SEC24A: variants seen among roughly 807,000 people sequenced by gnomAD.
SEC24A encodes protein transport protein Sec24A.
In SEC24A, 93 loss-of-function variants were observed where a neutral mutation model predicts 129.4. The ratio of observed to expected loss-of-function variants is 0.72; its 90% CI spans 0.61 to 0.85. The LOEUF is 0.85. Among genes scored for constraint, SEC24A ranks in the 40% least tolerant of loss-of-function variants. The pLI is 0.00. For missense variants in SEC24A, 1,264 were observed against 1,307.4 expected, an observed-to-expected ratio of 0.97 and a Z score of 0.51; for synonymous variants, 460 against 467.3, an observed-to-expected ratio of 0.98 and a Z score of 0.20.
At chr5:134,688,038 T>C (rs369868075) in intron 10 of SEC24A, 143 bp from the exon 11 acceptor site, 15 of 668,232 alleles carry the variant, frequency 2.2e-5, no homozygotes, top group Admixed American at 1.1e-4. Flanking sequence ...ATGGTAAACG[T>C]TGGGTGGTTT....
intron 15 of SEC24A, among the ~76,000 whole-genome samples, chr5:134,700,363 G>A (rs961629260): frequency 1.3e-5 from 2 of 151,914 alleles, no homozygotes; most frequent in Admixed American, 1.3e-4. Context: ...GGGACCACAG[G>A]CGCATGCCAC....
intron 3 of SEC24A, among the ~76,000 whole-genome samples, chr5:134,668,898 A>C (rs1023379658): frequency 2.0e-5 from 3 of 151,482 alleles, no homozygotes; most frequent in African/African-American, 7.3e-5. Context: ...AAAAATAAAA[A>C]TAATAAAAAA....
chr5:134,683,170 G>C (rs1281245054), intron 9 of SEC24A, among the ~76,000 whole-genome samples: 1 of 151,984 alleles, frequency 6.6e-6, no homozygotes, highest in Non-Finnish European at 1.5e-5. Flanking sequence ...TTATAGGCGC[G>C]AGCCAACACC....
rs1199060832 is a variant in SEC24A, at chr5:134,648,842, G to A, written c.-235G>A. The A allele has an allele frequency of 6.6e-5, 25 of 381,402 alleles. No homozygotes were observed. The highest frequency in any genetic ancestry group is 9.3e-5 in the Admixed American group (2 of 21,536). 23.6% of individuals were successfully genotyped at this position (381,402 alleles called of 1,614,324 possible). ...GGTTTGGCTGCCGCCTTCTAGCCGG[G>A]CGTTCGCGGCCCCGCCGGCCCGACT... On this transcript the variant is annotated 5_prime_UTR_variant, in exon 1 of 23. Transcript: ENST00000398844.
rs1752780148 is a variant in SEC24A, at chr5:134,727,403, A to G, written c.*2309A>G. The G allele has an allele frequency of 6.6e-6, 1 of 152,614 alleles. No homozygotes were observed. Among genetic ancestry groups the G allele is most frequent in the African/African-American group, 2.4e-5 (1 of 41,450 alleles). 9.5% of individuals were successfully genotyped at this position (152,614 alleles called of 1,614,324 possible). On this transcript the variant is annotated 3_prime_UTR_variant, in exon 23 of 23. Transcript: ENST00000398844. ...TTCTAATTTCTAGGATTTTTAAAAT[A>G]ACATTTCTGTAAGTCTGACATACTA... is the stretch of plus-strand genomic sequence containing the variant.
At chr5:134,655,439 C>T (rs1468591213) in intron 1 of SEC24A, among the ~76,000 whole-genome samples, 5 of 151,908 alleles carry the variant, frequency 3.3e-5, no homozygotes, top group East Asian at 1.9e-4. Flanking sequence ...TCACAAGGTC[C>T]GGAGTTCAAG....
At position 134,725,053 on chromosome 5, in the gene SEC24A, T is replaced by C. The variant is rs1752727817; in HGVS notation, c.3241T>C (p.Tyr1081His). The C allele has an allele frequency of 6.3e-7, 1 of 1,598,374 alleles. No homozygotes were observed. The highest frequency in any genetic ancestry group is 1.3e-5 in the African/African-American group (1 of 74,724). The change falls in exon 23 of 23, where the codon TAT becomes CAT. Residue 1081 changes from tyrosine (Y) to histidine (H), a missense_variant. Physicochemically the swap from Tyr to His is moderately conservative, Grantham distance 83. Coordinates refer to ENST00000398844, the MANE Select transcript of SEC24A (RefSeq NM_021982.3). ...CAGAACAGAATCTGCATTATCATAT[T>C]ATGAATTCCTGTTGCATATACAGCA... ...EDRTESALSY[Y>H]EFLLHIQQQV...
chr5:134,698,824 G>T (rs1048362063), intron 15 of SEC24A, among the ~76,000 whole-genome samples: 3 of 151,790 alleles, frequency 2.0e-5, no homozygotes, highest in Admixed American at 2.0e-4. Flanking sequence ...GTAGAGACAG[G>T]GTTACACCAT....
chr5:134,659,047 T>TTTTATTTATTTA (rs142189667), intron 1 of SEC24A, among the ~76,000 whole-genome samples: 7,981 of 138,782 alleles, frequency 0.058, 272 homozygotes, highest in Middle Eastern at 0.097. Flanking sequence ...ACCCATTTAT[T>TTTTATTTATTTA]TTTATTTATT....
At chr5:134,696,163 G>A (rs771916886) in intron 13 of SEC24A, among the ~76,000 whole-genome samples, 37 of 151,002 alleles carry the variant, frequency 2.5e-4, no homozygotes, top group Non-Finnish European at 4.3e-4. Context: ...CCAGCTACTC[G>A]GGAGGCTGAG....
intron 14 of SEC24A, among the ~76,000 whole-genome samples, chr5:134,697,633 G>T (rs1019173785): frequency 2.6e-5 from 4 of 152,118 alleles, no homozygotes; most frequent in African/African-American, 9.7e-5. Flanking sequence ...GCGCACACCT[G>T]TGGTCCCAGC....
intron 7 of SEC24A, 90 bp downstream of exon 7, chr5:134,676,215 T>C (rs1751056323): frequency 7.2e-6 from 6 of 828,308 alleles, no homozygotes; most frequent in African/African-American, 1.8e-5. Flanking sequence ...TCTCAGCTTA[T>C]TGCAACCTCT....
At chr5:134,663,536 G>A (rs960130884) in intron 2 of SEC24A, among the ~76,000 whole-genome samples, 1 of 152,174 alleles carries the variant, frequency 6.6e-6, no homozygotes, top group Non-Finnish European at 1.5e-5. Flanking sequence ...ACTATTTAAG[G>A]GCCAGGCGTG....
Position 134,692,636 on chromosome 5 carries a change from A to G in SEC24A, c.1758A>G (p.Val586=). The G allele has an allele frequency of 7.0e-7, 1 of 1,420,338 alleles. No individual in the cohort carries two copies. The highest frequency in any genetic ancestry group is 9.9e-7 in the Non-Finnish European group (1 of 1,007,642). 88.0% of individuals were successfully genotyped at this position (1,420,338 alleles called of 1,614,324 possible). ...VFIPMPENLL[V]NLNESKELVQ... The stretch of plus-strand genomic sequence containing the variant: ...TACCTATGCCAGAGAACTTATTAGT[A>G]AACTTAAATGAAAGTAAAGAGGTAA... Residue 586 remains valine, a synonymous_variant, in exon 12 of 23, where the codon GTA becomes GTG. Transcript: ENST00000398844.
chr5:134,665,549 TTTTA>T (rs929822550), intron 2 of SEC24A, among the ~76,000 whole-genome samples: 1 of 151,820 alleles, frequency 6.6e-6, no homozygotes, highest in African/African-American at 2.4e-5. Context: ...CTATTTTTAT[TTTTA>T]TTTATTTATT....
intron 17 of SEC24A, among the ~76,000 whole-genome samples, chr5:134,707,450 C>G (rs1482392611): frequency 2.0e-5 from 3 of 151,952 alleles, no homozygotes; most frequent in African/African-American, 7.3e-5. Context: ...CTGCCTCAGC[C>G]TCCCCAGTAG....
chr5:134,676,088 C>T lies in SEC24A; in HGVS notation c.1217C>T (p.Pro406Leu). Reference sequence around the variant, plus strand: ...GCCTTATTGAATAAAGCCAAACTTCCTTTGGGGCTGCTGCTTCATCCTTTC... The same window carrying T: ...GCCTTATTGAATAAAGCCAAACTTCTTTTGGGGCTGCTGCTTCATCCTTTC... ...TQALLNKAKLPLGLLLHPFKD... is the reference protein window; with the variant it reads ...TQALLNKAKLLLGLLLHPFKD... The change falls in exon 7 of 23, where the codon CCT becomes CTT. Residue 406 changes from proline (P) to leucine (L), a missense_variant. Pro to Leu is a moderately conservative substitution (Grantham distance 98). Transcript: ENST00000398844. 2 of 1,612,902 alleles carry T rather than the reference C, an allele frequency of 1.2e-6. No individual in the cohort carries two copies. Among genetic ancestry groups the T allele is most frequent in the Non-Finnish European group, 1.7e-6 (2 of 1,179,474 alleles).
chr5:134,719,918 G>C (rs934849942), intron 20 of SEC24A, among the ~76,000 whole-genome samples: 3 of 152,132 alleles, frequency 2.0e-5, no homozygotes, highest in Non-Finnish European at 4.4e-5. Flanking sequence ...CTGGGAGGTG[G>C]AGGTTGTGGT....
intron 18 of SEC24A, among the ~76,000 whole-genome samples, chr5:134,714,615 A>G (rs1487999338): frequency 6.6e-6 from 1 of 152,240 alleles, no homozygotes; most frequent in Non-Finnish European, 1.5e-5. Flanking sequence ...ACGAAGAAGG[A>G]CCACTGACGT....
Sources: allele counts gnomAD v4.1 joint callset (sites outside exome capture counted in the v4.1 genomes callset), GRCh38; gene constraint gnomAD v4.1.1; transcripts MANE v1.5; gene names NCBI Gene and HGNC (gene_info 2026-07-23, HGNC 2026-07-21).